SARAF: variants seen among roughly 807,000 people sequenced by gnomAD.
The protein encoded by SARAF is store-operated calcium entry-associated regulatory factor.
Under a neutral mutation model 39.7 loss-of-function variants are expected in SARAF, and 23 were observed. The ratio of observed to expected loss-of-function variants is 0.58; its 90% confidence interval spans 0.42 to 0.82. SARAF has a LOEUF of 0.82. Among genes scored for constraint, SARAF ranks in the 40% least tolerant of loss-of-function variants. The pLI, the probability that SARAF is intolerant of heterozygous loss-of-function variation, is 0.00. For missense variants in SARAF, 384 were observed against 418.5 expected (o/e 0.92, Z 0.72); for synonymous variants, 175 against 168.5 (o/e 1.04, Z -0.30).
intron 1 of SARAF, among the ~76,000 whole-genome samples, chr8:30,080,338 A>G (rs1368395946): frequency 6.6e-6 from 1 of 152,140 alleles, no homozygotes; most frequent in Non-Finnish European, 1.5e-5. Context: ...ATGAGCCTTT[A>G]AAGATATAAG....
At chr8:30,071,240 T>C (rs937909789) in intron 2 of SARAF, among the ~76,000 whole-genome samples, 2 of 151,922 alleles carry the variant, frequency 1.3e-5, no homozygotes, top group African/African-American at 4.8e-5. Context: ...ACTTCAAAAA[T>C]AGAGGCTGAG....
At chr8:30,071,909 G>C (rs941880284) in intron 2 of SARAF, among the ~76,000 whole-genome samples, 1 of 152,140 alleles carries the variant, frequency 6.6e-6, no homozygotes, top group East Asian at 1.9e-4. Flanking sequence ...ATGCTGCTAT[G>C]TATATTTGTA....
chr8:30,064,055 G>C, intron 5 of SARAF, 142 bp from the exon 6 acceptor site: 1 of 711,222 alleles, frequency 1.4e-6, no homozygotes. Flanking sequence ...GTGGAACTGG[G>C]CTAAGCAGGA....
In SARAF at chr8:30,083,030, G is replaced by C; in HGVS notation, c.-81C>G. The C allele has an allele frequency of 1.9e-6, 2 of 1,033,862 alleles. No individual in the cohort carries two copies. The highest frequency in any genetic ancestry group is 2.8e-6 in the Non-Finnish European group (2 of 724,362). 64.0% of individuals were successfully genotyped at this position (1,033,862 alleles called of 1,614,324 possible). On this transcript the variant is annotated 5_prime_UTR_variant, in exon 1 of 6. Coordinates refer to ENST00000256255, the MANE Select transcript of SARAF (RefSeq NM_016127.6). ...GCGGTAGCGCGCGCGACGCTGCGCAGCTACACCGCTACCCCTGGCGGCGGC... is the reference window on the plus strand; with the variant it reads ...GCGGTAGCGCGCGCGACGCTGCGCACCTACACCGCTACCCCTGGCGGCGGC...
At chr8:30,082,504 C>T in intron 1 of SARAF, 1 of 221,418 alleles carries the variant, frequency 4.5e-6, no homozygotes, top group Non-Finnish European at 9.0e-6. Flanking sequence ...ACAGCCATAA[C>T]AACAAAGCAG....
Position 30,063,030 on chromosome 8 carries a change from A to G in SARAF, c.*858T>C, listed in dbSNP as rs1801594161. On this transcript the variant is annotated 3_prime_UTR_variant, in exon 6 of 6. Transcript: ENST00000256255. ...CTGCATGAACTTTCCCCTTTGGGAA[A>G]AAGGGTTTAAAAAAACAAAAAGTAA... The G allele has an allele frequency of 6.6e-6, 1 of 152,232 alleles. No individual in the cohort carries two copies. The highest frequency in any genetic ancestry group is 2.4e-5 in the African/African-American group (1 of 41,458). The allele number at this position is 152,232 out of a possible 1,614,324, so 9.4% of individuals were successfully genotyped here. A position where few individuals can be genotyped will look rare whatever the true frequency, so the allele number is the denominator to read the frequency against.
rs777102270 is a variant in SARAF at position 30,066,092 on chromosome 8, G to A, written c.890C>T (p.Pro297Leu). 8 of 1,614,028 alleles carry A rather than the reference G, an allele frequency of 5.0e-6. No homozygotes were observed. Among genetic ancestry groups the A allele is most frequent in the Middle Eastern group, 3.3e-4 (2 of 6,082 alleles). ...CCTATTCCACGTGCCAGGGTAGGAG[G>A]GAGGATAGGACGGGTAGTACCACGA... ...SDSWYYPSYP[P>L]SYPGTWNRAY... The change falls in exon 5 of 6, where the codon CCC becomes CTC. Residue 297 changes from proline (P) to leucine (L), a missense_variant. Pro to Leu is a moderately conservative substitution (Grantham distance 98). Coordinates refer to ENST00000256255, the MANE Select transcript of SARAF (RefSeq NM_016127.6).
At chr8:30,083,140 C>G, upstream of SARAF, 1 of 496,976 alleles carries the variant, frequency 2.0e-6, no homozygotes, top group Non-Finnish European at 3.5e-6. Flanking sequence ...CCGTGGGGCT[C>G]AGTGAGTGGC....
chr8:30,066,408 T>C (rs1801694868), intron 4 of SARAF, among the ~76,000 whole-genome samples: 1 of 152,174 alleles, frequency 6.6e-6, no homozygotes, highest in South Asian at 2.1e-4. Context: ...CATTAATACT[T>C]CATATTCCAA....
chr8:30,081,935 T>A (rs1235289161), intron 1 of SARAF, among the ~76,000 whole-genome samples: 1 of 147,320 alleles, frequency 6.8e-6, no homozygotes, highest in Non-Finnish European at 1.5e-5. Flanking sequence ...TCATGTACCA[T>A]CACTAAAAAA....
At chr8:30,070,129 GC>G in intron 2 of SARAF, 70 bp from the exon 3 acceptor site, 1 of 1,382,594 alleles carries the variant, frequency 7.2e-7, no homozygotes, top group Non-Finnish European at 9.7e-7. Flanking sequence ...TTACTTGGGG[GC>G]CGGGCGCAGT....
intron 1 of SARAF, among the ~76,000 whole-genome samples, chr8:30,080,677 T>C (rs982230984): frequency 6.6e-6 from 1 of 152,228 alleles, no homozygotes; most frequent in African/African-American, 2.4e-5. Context: ...TGAAAATTCA[T>C]TGGTAATCTC....
At chr8:30,064,552 TATATATATA>T (rs1265313893) in intron 5 of SARAF, among the ~76,000 whole-genome samples, 421 of 28,540 alleles carry the variant, frequency 0.015, 28 homozygotes, top group Middle Eastern at 0.033. Context: ...TATATATATA[TATATATATA>T]TTTTTTTTTT....
chr8:30,064,018 G>A (rs75840517), intron 5 of SARAF, 105 bp from the exon 6 acceptor site: 1 of 1,042,822 alleles, frequency 9.6e-7, no homozygotes, highest in East Asian at 2.4e-5. Context: ...GAATGAGATA[G>A]GAGGAAAGGA....
At chr8:30,076,345 G>A (rs1005508326) in intron 1 of SARAF, among the ~76,000 whole-genome samples, 3 of 152,178 alleles carry the variant, frequency 2.0e-5, no homozygotes, top group Admixed American at 1.3e-4. Flanking sequence ...CTTGTCCTCT[G>A]TGGGAGACTG....
chr8:30,078,810 T>A (rs1380314134), intron 1 of SARAF, among the ~76,000 whole-genome samples: 1 of 151,404 alleles, frequency 6.6e-6, no homozygotes, highest in African/African-American at 2.4e-5. Context: ...CTGTGGACAA[T>A]TTTTTTTTGA....
At position 30,069,762 on chromosome 8, in the gene SARAF, G is replaced by A. The variant is rs1483449284; in HGVS notation, c.580C>T (p.Leu194=). The change falls in exon 3 of 6, where the codon CTG becomes TTG. Residue 194 remains leucine (L), a synonymous_variant. Coordinates refer to ENST00000256255, the MANE Select transcript of SARAF (RefSeq NM_016127.6). Reference sequence around the variant, plus strand: ...GGAGGAGAATACTGCCCGTCACTCAGGAACAGCTTATAGACTACAAACGCG... The same window carrying A: ...GGAGGAGAATACTGCCCGTCACTCAAGAACAGCTTATAGACTACAAACGCG... The part of the protein sequence containing the change: ...GIAFVVYKLF[L]SDGQYSPPPY... 8 of 1,614,006 alleles carry A rather than the reference G, an allele frequency of 5.0e-6. No homozygotes were observed. In the Admixed American group the frequency reaches 1.3e-4, roughly 27 times the overall value.
At chr8:30,069,216 C>T (rs1339256836) in intron 3 of SARAF, among the ~76,000 whole-genome samples, 8 of 148,468 alleles carry the variant, frequency 5.4e-5, no homozygotes, top group African/African-American at 7.5e-5. Context: ...CTCGGCTCAC[C>T]GCAACCTCCA....
intron 2 of SARAF, among the ~76,000 whole-genome samples, chr8:30,071,458 A>G (rs1015877955): frequency 5.9e-5 from 9 of 152,244 alleles, no homozygotes; most frequent in Admixed American, 2.6e-4. Flanking sequence ...ACACTATTTT[A>G]CTTCATTTAT....
Sources: gnomAD v4.1 joint callset for allele counts (sites outside exome capture counted in the v4.1 genomes callset) on GRCh38, gnomAD v4.1.1 for gene constraint, MANE v1.5 for transcripts, NCBI Gene and HGNC (gene_info 2026-07-23, HGNC 2026-07-21) for gene names.